The following LPIN1 variants were observed in gnomAD, a reference collection of about 807,000 sequenced individuals.
LPIN1 encodes the protein lipin 1, also known as phosphatidate phosphatase LPIN1.
A neutral mutation model predicts 107.5 loss-of-function variants in LPIN1; 71 were observed. That is an observed-to-expected ratio of 0.66 (90% CI 0.55 to 0.80). LPIN1 has a LOEUF of 0.80. Among genes scored for constraint, LPIN1 ranks in the 30% least tolerant of loss-of-function variants. The pLI is 0.00. For synonymous variants in LPIN1, 445 were observed against 452.6 expected, an observed-to-expected ratio of 0.98 and a Z score of 0.21; for missense variants, 1,043 against 1,160.6, an observed-to-expected ratio of 0.90 and a Z score of 1.47.
In LPIN1 at chr2:11,773,753, G is replaced by A. The variant is rs776733367; in HGVS notation, c.722+8G>A. Reference sequence around the variant, plus strand: ...GTGGTCACCCACTCCCAGGTAAGCTGTTCCCTGTTCCCCTGGCCCAGTGCA... The same window carrying A: ...GTGGTCACCCACTCCCAGGTAAGCTATTCCCTGTTCCCCTGGCCCAGTGCA... On this transcript the variant is annotated splice_region_variant and intron_variant, in intron 5 of 20. Coordinates refer to ENST00000674199, the MANE Select transcript of LPIN1 (RefSeq NM_001349206.2). 6.2e-7 allele frequency: 1 copy of A among 1,614,060 alleles called. No individual in the cohort carries two copies. The highest frequency in any genetic ancestry group is 8.5e-7 in the Non-Finnish European group (1 of 1,179,942).
rs1663187619 is a variant in LPIN1, at chr2:11,707,564, G to GCA, written c.82-6192_82-6191insCA. ...CTGCTGTGAGGAGCAGAGCTGATGA[G>GCA]GAGCAGAAACAGACTGGCTGTGGAG... On this transcript the variant is annotated intron_variant, in intron 1 of 21. Coordinates refer to the LPIN1 transcript ENST00000449576. This position sits in a 1 kb window ranked among gnomAD's most constrained non-coding sequence, Gnocchi z 4.2. Among the ~76,000 whole-genome samples the GCA allele has an allele frequency of 6.6e-6, 1 of 152,218 alleles. No homozygotes were observed. Among genetic ancestry groups the GCA allele is most frequent in the East Asian group, 1.9e-4 (1 of 5,188 alleles).
chr2:11,754,182 A>G (rs1393998506), intron 1 of LPIN1, among the ~76,000 whole-genome samples: 1 of 152,172 alleles, frequency 6.6e-6, no homozygotes, highest in Non-Finnish European at 1.5e-5. Context: ...TCTGTATCTG[A>G]GAGCTGTAAT....
At chr2:11,708,886 G>A (rs984377015) in intron 1 of LPIN1, among the ~76,000 whole-genome samples, 1 of 152,106 alleles carries the variant, frequency 6.6e-6, no homozygotes, top group African/African-American at 2.4e-5. Context: ...TTGACATTAA[G>A]TATCTTCTTT....
chr2:11,688,340 C>T (rs958140630), intron 1 of LPIN1, among the ~76,000 whole-genome samples: 8 of 152,174 alleles, frequency 5.3e-5, no homozygotes, highest in Admixed American at 3.9e-4. Context: ...CTTTGAAACT[C>T]CTAGAGGAAG....
Position 11,740,407 on chromosome 2 carries a change from C to T in LPIN1, c.-71-942C>T, listed in dbSNP as rs182196915. Among the ~76,000 whole-genome samples the T allele has an allele frequency of 1.6e-3, 245 of 152,230 alleles. 3 individuals carry two copies. The highest frequency in any genetic ancestry group is 0.014 in the Admixed American group (218 of 15,280). On this transcript the variant is annotated intron_variant, in intron 1 of 21. Coordinates refer to the LPIN1 transcript ENST00000396097. ...CAAGTTGACACCAAAAATTAACCAT[C>T]ACACCCTTCAATTATAACTTCCCCG...
chr2:11,700,518 C>T (rs1216312329), intron 1 of LPIN1, among the ~76,000 whole-genome samples: 5 of 151,612 alleles, frequency 3.3e-5, no homozygotes, highest in Non-Finnish European at 7.4e-5. Flanking sequence ...GCTCTCTCTC[C>T]CTCTCCCACT....
intron 1 of LPIN1, among the ~76,000 whole-genome samples, chr2:11,703,478 A>C (rs996862374): frequency 9.2e-5 from 14 of 152,216 alleles, no homozygotes; most frequent in African/African-American, 3.4e-4. Context: ...ATGTGCATAC[A>C]TCTCTGGTCT....
At chr2:11,701,596 G>A (rs527270490) in intron 1 of LPIN1, among the ~76,000 whole-genome samples, 30 of 152,296 alleles carry the variant, frequency 2.0e-4, no homozygotes, top group Non-Finnish European at 3.5e-4. Context: ...TGACATTACT[G>A]AATGCATACT....
intron 1 of LPIN1, among the ~76,000 whole-genome samples, chr2:11,705,282 A>G (rs779432218): frequency 7.2e-5 from 11 of 152,182 alleles, no homozygotes; most frequent in Admixed American, 3.3e-4. Context: ...GCTCAACTGT[A>G]TATTGAAAAA....
At chr2:11,821,684 A>T (rs1397316118) in intron 20 of LPIN1, among the ~76,000 whole-genome samples, 1 of 152,204 alleles carries the variant, frequency 6.6e-6, no homozygotes, top group East Asian at 1.9e-4. Context: ...TCTCTAGGGC[A>T]GATTTTTACT....
In LPIN1 at chr2:11,824,801, A is replaced by C. The variant is rs1049585856; in HGVS notation, c.*10A>C. The C allele has an allele frequency of 6.2e-7, 1 of 1,614,146 alleles. No individual in the cohort carries two copies. The highest frequency in any genetic ancestry group is 1.7e-5 in the Admixed American group (1 of 60,022). ...TTCTGCCTCAGCGTAAAATGTCCCA[A>C]GCAGCCTCTTGCCAGCAGTGCAGAG... On this transcript the variant is annotated 3_prime_UTR_variant, in exon 21 of 21. Coordinates refer to ENST00000674199, the MANE Select transcript of LPIN1 (RefSeq NM_001349206.2).
upstream of LPIN1, among the ~76,000 whole-genome samples, chr2:11,721,062 T>C (rs966083996): frequency 6.6e-6 from 1 of 151,974 alleles, no homozygotes; most frequent in Non-Finnish European, 1.5e-5. Flanking sequence ...CTCCCTCCAA[T>C]TGGGTTAGCT....
intron 1 of LPIN1, among the ~76,000 whole-genome samples, chr2:11,708,796 A>G (rs890062336): frequency 1.4e-4 from 21 of 152,260 alleles, no homozygotes; most frequent in African/African-American, 5.1e-4. Context: ...CCACCTCTCA[A>G]TGGGAGGAAG....
chr2:11,724,319 C>T (rs925357305), upstream of LPIN1: 9 of 985,362 alleles, frequency 9.1e-6, no homozygotes, highest in Middle Eastern at 5.2e-4. Flanking sequence ...AATGGCCTTT[C>T]CCAGGAGAGC....
At chr2:11,743,297 C>T (rs1032910055), upstream of LPIN1, among the ~76,000 whole-genome samples, 19 of 152,218 alleles carry the variant, frequency 1.2e-4, no homozygotes, top group African/African-American at 4.1e-4. This position sits in a 1 kb window ranked among gnomAD's most constrained non-coding sequence, Gnocchi z 4.7. Context: ...CTGGATAGCC[C>T]GGGTGACCGT....
intron 1 of LPIN1, among the ~76,000 whole-genome samples, chr2:11,686,100 T>C (rs1333265674): frequency 1.3e-5 from 2 of 152,070 alleles, no homozygotes; most frequent in African/African-American, 2.4e-5. Flanking sequence ...TACTTTCCAT[T>C]GTGGTTATGT....
intron 1 of LPIN1, among the ~76,000 whole-genome samples, chr2:11,759,113 T>A (rs180853450): frequency 6.7e-6 from 1 of 149,526 alleles, no homozygotes; most frequent in Non-Finnish European, 1.5e-5. Context: ...AGTTATGAGC[T>A]AGCTAGCTTG....
chr2:11,773,333 G>C (rs1672164562), intron 4 of LPIN1, among the ~76,000 whole-genome samples: 1 of 152,184 alleles, frequency 6.6e-6, no homozygotes, highest in Admixed American at 6.5e-5. Context: ...GCAGGAGGTG[G>C]CACGATGGGA....
intron 18 of LPIN1, among the ~76,000 whole-genome samples, chr2:11,815,875 C>T (rs1025425386): frequency 2.6e-5 from 4 of 152,080 alleles, no homozygotes; most frequent in Non-Finnish European, 5.9e-5. Context: ...TAACTCTGGC[C>T]CCTTGGAGTT....
Sources: allele counts gnomAD v4.1 joint callset (sites outside exome capture counted in the v4.1 genomes callset), GRCh38; gene constraint gnomAD v4.1.1; non-coding constraint Gnocchi (gnomAD v3.1); transcripts MANE v1.5; gene names NCBI Gene and HGNC (gene_info 2026-07-23, HGNC 2026-07-21).